NALF1: variants seen among roughly 807,000 people sequenced by gnomAD.
The protein encoded by NALF1 is NALCN channel auxiliary factor 1.
In NALF1, 3 loss-of-function variants were observed where a neutral mutation model predicts 48.4. That is an observed-to-expected ratio of 0.06 (90% CI 0.03 to 0.16). The LOEUF is 0.16. Ranked by LOEUF, NALF1 falls within the 10% of genes least tolerant of loss-of-function variation. The probability of loss-of-function intolerance (pLI) is 1.00; values close to 1 mark genes in which losing one functional copy is unlikely to be tolerated. For missense variants in NALF1, 526 were observed against 571.5 expected (o/e 0.92, Z 0.81); for synonymous variants, 262 against 245.7 (o/e 1.07, Z -0.62).
At chr13:107,693,337 C>CGGGGGG (rs140909907) in intron 1 of NALF1, among the ~76,000 whole-genome samples, 1 of 128,648 alleles carries the variant, frequency 7.8e-6, no homozygotes, top group African/African-American at 3.0e-5. Flanking sequence ...GTAGGGGGGG[C>CGGGGGG]GGGAGGGATA....
intron 1 of NALF1, among the ~76,000 whole-genome samples, chr13:107,644,785 C>A (rs1188430196): frequency 2.0e-5 from 3 of 151,328 alleles, no homozygotes; most frequent in Non-Finnish European, 2.9e-5. Flanking sequence ...ACTCTTTAAC[C>A]GTACAGAAAG....
intron 1 of NALF1, among the ~76,000 whole-genome samples, chr13:107,327,188 T>C (rs1157178351): frequency 6.6e-6 from 1 of 152,162 alleles, no homozygotes; most frequent in Non-Finnish European, 1.5e-5. Flanking sequence ...AGGAGAATTA[T>C]AGCTTTTACC....
intron 1 of NALF1, among the ~76,000 whole-genome samples, chr13:107,499,058 T>C (rs1411545797): frequency 6.6e-6 from 1 of 152,108 alleles, no homozygotes; most frequent in Non-Finnish European, 1.5e-5. Flanking sequence ...ATGACAATTA[T>C]ACTTCACCAA....
At chr13:107,791,397 A>G (rs889384408) in intron 1 of NALF1, among the ~76,000 whole-genome samples, 3 of 152,072 alleles carry the variant, frequency 2.0e-5, no homozygotes, top group Non-Finnish European at 4.4e-5. Flanking sequence ...TCTTCACTCT[A>G]TAGTGATTAC....
chr13:107,407,636 G>C (rs1022643216), intron 1 of NALF1, among the ~76,000 whole-genome samples: 1 of 152,014 alleles, frequency 6.6e-6, no homozygotes, highest in African/African-American at 2.4e-5. Context: ...GTGGAGAAAA[G>C]GGAACCCTCA....
chr13:107,288,698 A>AT (rs1421567737), intron 1 of NALF1, among the ~76,000 whole-genome samples: 1 of 148,482 alleles, frequency 6.7e-6, no homozygotes, highest in Non-Finnish European at 1.5e-5. Flanking sequence ...CGCCCGGCTA[A>AT]TTTTTTCTAG....
Position 107,231,058 on chromosome 13 carries a change from CAAAAAAAAAA to C in NALF1, c.916-20313_916-20304del, listed in dbSNP as rs3072074. On this transcript the variant is annotated intron_variant, in intron 1 of 2. Coordinates refer to ENST00000375915, the MANE Select transcript of NALF1 (RefSeq NM_001080396.3). ...CCTGAGCAACAGAGCAAGACCCGGCCAAAAAAAAAAAAAAAAAAAAAGGAAGAAAAGAAAA... is the reference window on the plus strand; with the variant it reads ...CCTGAGCAACAGAGCAAGACCCGGCCAAAAAAAAAAAGGAAGAAAAGAAAA... Among the ~76,000 whole-genome samples the C allele has an allele frequency of 3.5e-4, 29 of 83,574 alleles. 1 individual carries two copies. In the South Asian group the frequency reaches 0.013, roughly 37 times the overall value. 54.8% of individuals were successfully genotyped at this position (83,574 alleles called of 152,430 possible). A position where few individuals can be genotyped will look rare whatever the true frequency, so the allele number is the denominator to read the frequency against.
chr13:107,232,291 G>C (rs945802270), intron 1 of NALF1, among the ~76,000 whole-genome samples: 1 of 152,206 alleles, frequency 6.6e-6, no homozygotes, highest in Admixed American at 6.5e-5. Context: ...GAACAATGGA[G>C]CGAACCGGTA....
rs186164033 is a variant in NALF1, at chr13:107,175,278, T to C, written c.1088-4492A>G. ...CTGGGATGGGAGTAGGGAATGGGAT[T>C]TGGGGACCTGACTGCCTCTTAAAAC... On this transcript the variant is annotated intron_variant, in intron 2 of 2. Transcript: ENST00000375915. Among the ~76,000 whole-genome samples the C allele has an allele frequency of 1.8e-4, 28 of 152,174 alleles. No homozygotes were observed. In the East Asian group the frequency reaches 4.3e-3, roughly 23 times the overall value.
At chr13:107,862,756 T>C (rs980905465) in intron 1 of NALF1, among the ~76,000 whole-genome samples, 9 of 151,928 alleles carry the variant, frequency 5.9e-5, no homozygotes, top group African/African-American at 1.9e-4. Flanking sequence ...TTCTGAATAA[T>C]TGGTCAAAAA....
At chr13:107,363,846 A>G (rs534408106) in intron 1 of NALF1, among the ~76,000 whole-genome samples, 51 of 152,296 alleles carry the variant, frequency 3.3e-4, no homozygotes, top group African/African-American at 1.2e-3. Context: ...AATCCAGTTC[A>G]TGTTGTGTTT....
At chr13:107,174,993 C>G (rs1271766643) in intron 2 of NALF1, among the ~76,000 whole-genome samples, 4 of 147,560 alleles carry the variant, frequency 2.7e-5, no homozygotes, top group Admixed American at 6.8e-5. Flanking sequence ...ACGCCATTCT[C>G]CTGCCTCAGC....
intron 1 of NALF1, among the ~76,000 whole-genome samples, chr13:107,753,487 A>C (rs1251901871): frequency 6.6e-6 from 1 of 150,850 alleles, no homozygotes; most frequent in Admixed American, 6.6e-5. Flanking sequence ...AACAAAACCA[A>C]GGCAGTCTTT....
intron 1 of NALF1, among the ~76,000 whole-genome samples, chr13:107,309,179 A>G (rs574264013): frequency 1.3e-5 from 2 of 152,316 alleles, no homozygotes; most frequent in South Asian, 4.1e-4. Context: ...CCCTCAAAAA[A>G]TGTTGATGGA....
At chr13:107,397,294 G>C (rs984281130) in intron 1 of NALF1, among the ~76,000 whole-genome samples, 1 of 152,168 alleles carries the variant, frequency 6.6e-6, no homozygotes, top group Non-Finnish European at 1.5e-5. Flanking sequence ...GAAATGATGA[G>C]AGGAGGAAAA....
intron 1 of NALF1, among the ~76,000 whole-genome samples, chr13:107,276,636 A>G (rs1881287095): frequency 6.6e-6 from 1 of 152,196 alleles, no homozygotes; most frequent in African/African-American, 2.4e-5. Context: ...TGATTATAAG[A>G]AAAACTTCAA....
At chr13:107,766,190 A>C (rs1450649263) in intron 1 of NALF1, among the ~76,000 whole-genome samples, 1 of 152,212 alleles carries the variant, frequency 6.6e-6, no homozygotes, top group Non-Finnish European at 1.5e-5. Flanking sequence ...TGAGAAGCTT[A>C]GCAGGTCTCT....
At chr13:107,204,619 GAAAT>G in intron 2 of NALF1, among the ~76,000 whole-genome samples, 1 of 152,270 alleles carries the variant, frequency 6.6e-6, no homozygotes, top group South Asian at 2.1e-4. Context: ...GATATTAACT[GAAAT>G]AAACCTCAAA....
At chr13:107,183,187 C>T (rs893618554) in intron 2 of NALF1, among the ~76,000 whole-genome samples, 3 of 152,138 alleles carry the variant, frequency 2.0e-5, no homozygotes, top group Admixed American at 6.5e-5. Context: ...TGGGTCCCAG[C>T]GACACACCCC....
Sources: allele counts gnomAD v4.1 joint callset (sites outside exome capture counted in the v4.1 genomes callset), GRCh38; gene constraint gnomAD v4.1.1; transcripts MANE v1.5; gene names NCBI Gene and HGNC (gene_info 2026-07-23, HGNC 2026-07-21).